The following CMYA5 variants were observed in gnomAD, a reference collection of about 807,000 sequenced individuals.
CMYA5 encodes cardiomyopathy associated 5, also known as cardiomyopathy-associated protein 5.
CMYA5 carries 246 observed loss-of-function variants against 318.9 expected under a neutral mutation model. The observed-to-expected ratio is 0.77, with a 90% CI of 0.70 to 0.86. The LOEUF is 0.86. CMYA5 is among the 40% of genes least tolerant of loss of function. The pLI, the probability that CMYA5 is intolerant of heterozygous loss-of-function variation, is 0.00. For synonymous variants in CMYA5, 1,641 were observed against 1,729.5 expected, an observed-to-expected ratio of 0.95 and a Z score of 1.27; for missense variants, 4,589 against 4,678.2, an observed-to-expected ratio of 0.98 and a Z score of 0.56.
intron 1 of CMYA5, among the ~76,000 whole-genome samples, chr5:79,710,403 T>C (rs1827367219): frequency 6.6e-6 from 1 of 152,114 alleles, no homozygotes; most frequent in African/African-American, 2.4e-5. Context: ...TCAATAATTT[T>C]TAAGAGTATA....
In CMYA5 at chr5:79,735,957, A is replaced by G. The variant is rs1449922280; in HGVS notation, c.7192A>G (p.Lys2398Glu). 1.9e-5 allele frequency: 31 copies of G among 1,612,552 alleles called. No individual in the cohort carries two copies. The highest frequency in any genetic ancestry group is 2.5e-5 in the Non-Finnish European group (29 of 1,179,476). ...ATCAGCTTCCTCCAACTTTGCAAGT[A>G]AAAATATCACAAAGGAATCAGAGAA... Reference protein sequence around the residue: ...PKSASSNFASKNITKESEKPE... With the variant: ...PKSASSNFASENITKESEKPE... The change falls in exon 2 of 13, where the codon AAA becomes GAA. Residue 2398 changes from lysine to glutamate, a missense_variant. Coordinates refer to ENST00000446378, the MANE Select transcript of CMYA5 (RefSeq NM_153610.5).
chr5:79,799,514 C>T lies in CMYA5; in HGVS notation c.12108C>T (p.His4036=), dbSNP rs1438181226. 1.2e-6 allele frequency: 2 copies of T among 1,614,000 alleles called. No homozygotes were observed. The highest frequency in any genetic ancestry group is 1.1e-5 in the South Asian group (1 of 91,080). Reference sequence around the variant, plus strand: ...AGCAGTTGCTCTTCATCATCAGGCACAGGTTTAATGAGGGTGTCCACCCTG... The same window carrying T: ...AGCAGTTGCTCTTCATCATCAGGCATAGGTTTAATGAGGGTGTCCACCCTG... ...ESEQLLFIIR[H]RFNEGVHPAF... is the part of the protein sequence containing the mutation. The change falls in exon 13 of 13, where the codon CAC becomes CAT. Residue 4036 remains histidine, a synonymous_variant. Transcript: ENST00000446378.
At chr5:79,771,144 T>A (rs917457099) in intron 9 of CMYA5, among the ~76,000 whole-genome samples, 35 of 151,758 alleles carry the variant, frequency 2.3e-4, no homozygotes, top group Admixed American at 2.0e-4. Context: ...ACTTTAGGTA[T>A]GTTGCCTCAT....
chr5:79,734,150 C>A lies in CMYA5; in HGVS notation c.5385C>A (p.Gly1795=). 6.2e-7 allele frequency: 1 copy of A among 1,613,750 alleles called. No individual in the cohort carries two copies. Among genetic ancestry groups the A allele is most frequent in the Non-Finnish European group, 8.5e-7 (1 of 1,179,800 alleles). Residue 1795 remains glycine (G), a synonymous_variant, in exon 2 of 13, where the codon GGC becomes GGA. Coordinates refer to ENST00000446378, the MANE Select transcript of CMYA5 (RefSeq NM_153610.5). ...DILDKLSEET[G]HPNSSQVLQS... ...TAGATAAGCTAAGTGAAGAAACAGGCCACCCAAATTCATCCCAGGTACTCC... is the reference window on the plus strand; with the variant it reads ...TAGATAAGCTAAGTGAAGAAACAGGACACCCAAATTCATCCCAGGTACTCC...
chr5:79,717,882 C>CTATT (rs1827548823), intron 1 of CMYA5, among the ~76,000 whole-genome samples: 1 of 105,388 alleles, frequency 9.5e-6, no homozygotes, highest in Non-Finnish European at 1.8e-5. Flanking sequence ...TTAACCTAAG[C>CTATT]TATTTTTTTT....
In CMYA5 at chr5:79,763,164, C is replaced by A; in HGVS notation, c.11510C>A (p.Thr3837Asn). 6.2e-7 allele frequency: 1 copy of A among 1,612,224 alleles called. No homozygotes were observed. The highest frequency in any genetic ancestry group is 8.5e-7 in the Non-Finnish European group (1 of 1,179,416). Reference sequence around the variant, plus strand: ...ACCCCAGAGGCCACGGAGACCTACACTCTGGAGTACTGCAGACAGCACTCT... The same window carrying A: ...ACCCCAGAGGCCACGGAGACCTACAATCTGGAGTACTGCAGACAGCACTCT... ...PTTPEATETY[T>N]LEYCRQHSPE... The change falls in exon 9 of 13, where the codon ACT becomes AAT. Residue 3837 changes from threonine (T) to asparagine (N), a missense_variant. Physicochemically the swap from Thr to Asn is moderately conservative, Grantham distance 65 (BLOSUM62 0). Around this residue, in one of 3 missense-constraint regions of CMYA5, gnomAD observed 2,431 missense variants for 2,495.1 expected, o/e 0.97. Coordinates refer to ENST00000446378, the MANE Select transcript of CMYA5 (RefSeq NM_153610.5).
At position 79,690,030 on chromosome 5, in the gene CMYA5, G is replaced by A. The variant is rs1452201259; in HGVS notation, c.123G>A (p.Ala41=). 4.1e-6 allele frequency: 6 copies of A among 1,469,718 alleles called. No individual in the cohort carries two copies. The African/African-American group carries it at 4.4e-5, about 11-fold the overall frequency. The allele number at this position is 1,469,718 out of a possible 1,614,324, so 91.0% of individuals were successfully genotyped here. A position where few individuals can be genotyped will look rare whatever the true frequency, so the allele number is the denominator to read the frequency against. ...ESEGEEDETA[A]ESEEEPDSRL... The stretch of plus-strand genomic sequence containing the variant: ...AGGGCGAGGAGGACGAGACGGCGGC[G>A]GAGTCGGAGGAGGAGCCGGACTCCA... The change falls in exon 1 of 13, where the codon GCG becomes GCA. Residue 41 remains alanine, a synonymous_variant. Coordinates refer to ENST00000446378, the MANE Select transcript of CMYA5 (RefSeq NM_153610.5).
chr5:79,731,819 A>G lies in CMYA5; in HGVS notation c.3054A>G (p.Lys1018=). The change falls in exon 2 of 13, where the codon AAA becomes AAG. Residue 1018 remains lysine, a synonymous_variant. Coordinates refer to ENST00000446378, the MANE Select transcript of CMYA5 (RefSeq NM_153610.5). Reference sequence around the variant, plus strand: ...CCTTTAGAATCTCAGAAACAGAGAAAAATGAACTTGAGCCTGATTCACTAT... The same window carrying G: ...CCTTTAGAATCTCAGAAACAGAGAAGAATGAACTTGAGCCTGATTCACTAT... The part of the protein sequence containing the change: ...IPPFRISETE[K]NELEPDSLLT... 3.1e-6 allele frequency: 5 copies of G among 1,612,916 alleles called. No homozygotes were observed. The highest frequency in any genetic ancestry group is 4.2e-6 in the Non-Finnish European group (5 of 1,179,598).
chr5:79,750,316 T>C (rs984716066), intron 5 of CMYA5, among the ~76,000 whole-genome samples: 4 of 152,244 alleles, frequency 2.6e-5, no homozygotes, highest in African/African-American at 9.6e-5. Flanking sequence ...CTGAGGAATT[T>C]CTCTTTTCTT....
intron 2 of CMYA5, among the ~76,000 whole-genome samples, chr5:79,743,091 T>A (rs1395490345): frequency 6.6e-6 from 1 of 152,202 alleles, no homozygotes; most frequent in Admixed American, 6.5e-5. Context: ...AGAGACCAGA[T>A]CCTGAAGAGG....
At chr5:79,693,749 C>T (rs1043856450) in intron 1 of CMYA5, among the ~76,000 whole-genome samples, 1 of 152,196 alleles carries the variant, frequency 6.6e-6, no homozygotes, top group Non-Finnish European at 1.5e-5. Context: ...TGAACTCCTA[C>T]AATGTGCCAG....
At chr5:79,728,405 G>T (rs544270447) in intron 1 of CMYA5, among the ~76,000 whole-genome samples, 15 of 151,886 alleles carry the variant, frequency 9.9e-5, no homozygotes, top group Admixed American at 9.2e-4. Flanking sequence ...AGTAAAGCCA[G>T]TCTGGGAGGA....
intron 7 of CMYA5, among the ~76,000 whole-genome samples, chr5:79,761,020 AG>A (rs964676338): frequency 6.6e-6 from 1 of 152,138 alleles, no homozygotes; most frequent in Non-Finnish European, 1.5e-5. Context: ...AAGAGTCATA[AG>A]GGGGGGAAAC....
chr5:79,690,524 C>T (rs1173673368), intron 1 of CMYA5, among the ~76,000 whole-genome samples: 4 of 152,074 alleles, frequency 2.6e-5, no homozygotes, highest in Non-Finnish European at 5.9e-5. Flanking sequence ...GATACAAAGG[C>T]CCATAAATTC....
chr5:79,707,126 T>C (rs560612087), intron 1 of CMYA5, among the ~76,000 whole-genome samples: 26 of 152,332 alleles, frequency 1.7e-4, no homozygotes, highest in African/African-American at 6.0e-4. Context: ...TAAAGCTTTC[T>C]AGTTAGTATT....
intron 1 of CMYA5, among the ~76,000 whole-genome samples, chr5:79,697,870 A>T (rs1827101187): frequency 2.6e-5 from 4 of 152,234 alleles, no homozygotes; most frequent in Admixed American, 2.6e-4. Flanking sequence ...AAAAATCTAC[A>T]TAGTAGCTAA....
intron 1 of CMYA5, among the ~76,000 whole-genome samples, chr5:79,696,594 A>G (rs986700174): frequency 6.6e-6 from 1 of 152,246 alleles, no homozygotes; most frequent in Non-Finnish European, 1.5e-5. Context: ...TACAATTTTG[A>G]TTTTAAAAAA....
At chr5:79,721,441 TTA>T (rs1827625981) in intron 1 of CMYA5, among the ~76,000 whole-genome samples, 1 of 152,168 alleles carries the variant, frequency 6.6e-6, no homozygotes, top group African/African-American at 2.4e-5. Flanking sequence ...ATATTGGCAA[TTA>T]TATTACATTT....
intron 6 of CMYA5, among the ~76,000 whole-genome samples, chr5:79,755,655 T>G (rs1487755011): frequency 6.6e-6 from 1 of 152,226 alleles, no homozygotes; most frequent in African/African-American, 2.4e-5. Flanking sequence ...GGGTCTCTGA[T>G]GTTGTTCTAC....
Sources: gnomAD v4.1 joint callset for allele counts (sites outside exome capture counted in the v4.1 genomes callset) on GRCh38, gnomAD v4.1.1 for gene constraint, gnomAD v4.1.1 regional missense constraint, MANE v1.5 for transcripts, NCBI Gene and HGNC (gene_info 2026-07-23, HGNC 2026-07-21) for gene names.